The following SVIL variants were observed in gnomAD, a reference collection of about 807,000 sequenced individuals.
The protein encoded by SVIL is archvillin.
In SVIL, 101 loss-of-function variants were observed where a neutral mutation model predicts 240.4. That is an observed-to-expected ratio of 0.42 (90% CI 0.36 to 0.50). The LOEUF (loss-of-function observed/expected upper bound fraction) is 0.50. SVIL is among the 20% of genes least tolerant of loss of function. The pLI is 0.01. For synonymous variants in SVIL, 999 were observed against 1,100.0 expected (o/e 0.91, Z 1.82); for missense variants, 2,512 against 2,818.7 (o/e 0.89, Z 2.46).
chr10:29,541,116 T>C (rs1952120058), intron 6 of SVIL, among the ~76,000 whole-genome samples: 1 of 152,268 alleles, frequency 6.6e-6, no homozygotes, highest in Non-Finnish European at 1.5e-5. Flanking sequence ...TATTTTCCTC[T>C]TTTATTTTCT....
In SVIL at chr10:29,490,902, A is replaced by C; in HGVS notation, c.4137T>G (p.Thr1379=). The change falls in exon 22 of 38, where the codon ACT becomes ACG. Residue 1379 remains threonine, a synonymous_variant. Coordinates refer to ENST00000355867, the MANE Select transcript of SVIL (RefSeq NM_021738.3). Reference sequence around the variant, plus strand: ...TGAAGGCAACGTTTAATCTCTGCTCAGTGTATTCCTGAAGGAGATCTTCTC... The same window carrying C: ...TGAAGGCAACGTTTAATCTCTGCTCCGTGTATTCCTGAAGGAGATCTTCTC... The part of the protein sequence containing the change: ...AAREDLLQEY[T]EQRLNVAFME... The C allele has an allele frequency of 6.2e-7, 1 of 1,613,986 alleles. No homozygotes were observed. Among genetic ancestry groups the C allele is most frequent in the East Asian group, 2.2e-5 (1 of 44,872 alleles).
At chr10:29,655,213 T>C (rs367996606) in intron 3 of SVIL, among the ~76,000 whole-genome samples, 1 of 152,182 alleles carries the variant, frequency 6.6e-6, no homozygotes, top group Non-Finnish European at 1.5e-5. Flanking sequence ...ATAGGCTGTC[T>C]GCAAGCTGGG....
intron 3 of SVIL, among the ~76,000 whole-genome samples, chr10:29,649,647 A>C (rs904065483): frequency 2.0e-5 from 3 of 152,192 alleles, no homozygotes; most frequent in Non-Finnish European, 4.4e-5. Flanking sequence ...TTGACTTACC[A>C]AAATATGCAA....
At chr10:29,616,053 G>A (rs1414542311) in intron 1 of SVIL, among the ~76,000 whole-genome samples, 2 of 152,180 alleles carry the variant, frequency 1.3e-5, no homozygotes, top group Non-Finnish European at 1.5e-5. Flanking sequence ...TCAATTCAAG[G>A]TTATTTCAGC....
chr10:29,587,331 G>A (rs1956212469), intron 1 of SVIL, among the ~76,000 whole-genome samples: 1 of 152,176 alleles, frequency 6.6e-6, no homozygotes, highest in African/African-American at 2.4e-5. Flanking sequence ...CACTGCCACC[G>A]CCTCTGCCAG....
intron 18 of SVIL, among the ~76,000 whole-genome samples, 187 bp downstream of exon 18, chr10:29,498,929 C>T (rs564523330): frequency 2.0e-5 from 3 of 152,312 alleles, no homozygotes; most frequent in African/African-American, 7.2e-5. Context: ...TGCAGTGAGC[C>T]ATGACTGAGC....
chr10:29,705,481 CT>C (rs533614762), intron 1 of SVIL, among the ~76,000 whole-genome samples: 148 of 145,008 alleles, frequency 1.0e-3, no homozygotes, highest in Non-Finnish European at 1.1e-3. Context: ...CACTTCAAAT[CT>C]TTTTTTTTTT....
chr10:29,512,537 C>T lies in SVIL; in HGVS notation c.3516+198G>A, dbSNP rs549738173. ...GACATAGTGTGTGTGTGTTGCTGAT[C>T]CCAGTTTTAAAACATCTCCAGGCAC... On this transcript the variant is annotated intron_variant, in intron 17 of 37. Coordinates refer to ENST00000355867, the MANE Select transcript of SVIL (RefSeq NM_021738.3). Among the ~76,000 whole-genome samples, 40 of 152,282 alleles carry T rather than the reference C, an allele frequency of 2.6e-4. 1 individual carries two copies. The South Asian group carries it at 7.9e-3, about 30-fold the overall frequency.
At chr10:29,686,421 A>G (rs886668860) in intron 2 of SVIL, 3 of 152,244 alleles carry the variant, frequency 2.0e-5, no homozygotes, top group African/African-American at 7.2e-5. Flanking sequence ...TCCATCTCAC[A>G]CAATGAAATT....
intron 1 of SVIL, among the ~76,000 whole-genome samples, chr10:29,621,358 G>A (rs748537440): frequency 3.9e-5 from 6 of 152,224 alleles, no homozygotes; most frequent in Non-Finnish European, 8.8e-5. Flanking sequence ...CAAGTTCCCC[G>A]AGGCTGGAGA....
rs1206363066 is a variant in SVIL at position 29,488,626 on chromosome 10, C to T, written c.4323G>A (p.Lys1441=). 1 of 1,608,688 alleles carries T rather than the reference C, an allele frequency of 6.2e-7. No homozygotes were observed. Among genetic ancestry groups the T allele is most frequent in the South Asian group, 1.1e-5 (1 of 89,546 alleles). The change falls in exon 23 of 38, where the codon AAG becomes AAA. Residue 1441 remains lysine, a synonymous_variant. Transcript: ENST00000355867. The stretch of plus-strand genomic sequence containing the variant: ...CTTTAATCTGCAACAGCATCAGCCT[C>T]TTGTAGGGCACGGCGCTGTTGTTAG... ...QNSNNSAVPY[K]RLMLLQIKGR... is the part of the protein sequence containing the mutation.
chr10:29,659,199 A>G (rs1274588244), intron 2 of SVIL, among the ~76,000 whole-genome samples: 1 of 152,066 alleles, frequency 6.6e-6, no homozygotes, highest in East Asian at 1.9e-4. Flanking sequence ...GTTCTTAATG[A>G]CTCAGCCTGG....
intron 1 of SVIL, among the ~76,000 whole-genome samples, chr10:29,585,861 T>C (rs1314376743): frequency 6.6e-6 from 1 of 152,240 alleles, no homozygotes; most frequent in African/African-American, 2.4e-5. Flanking sequence ...GCTCAATGAA[T>C]GAGAAGCCGC....
intron 1 of SVIL, among the ~76,000 whole-genome samples, chr10:29,594,559 CTTTTTTTTT>C (rs34870351): frequency 1.4e-5 from 2 of 140,590 alleles, no homozygotes; most frequent in Admixed American, 7.2e-5. Flanking sequence ...AATTTTTTTT[CTTTTTTTTT>C]TTTTTTGAAA....
At position 29,551,184 on chromosome 10, in the gene SVIL, G is replaced by A. The variant is rs759902839; in HGVS notation, c.240C>T (p.Ser80=). 9.3e-6 allele frequency: 15 copies of A among 1,614,044 alleles called. No homozygotes were observed. The highest frequency in any genetic ancestry group is 1.3e-5 in the African/African-American group (1 of 75,052). ...QTRSKYCTET[S]GVHGDSPYGS... is the part of the protein sequence containing the mutation. ...CATAGGGTGAGTCACCGTGGACACC[G>A]GAGGTTTCTGTGCAGTATTTGGATC... Residue 80 remains serine (S), a synonymous_variant, in exon 6 of 38, where the codon TCC becomes TCT. Coordinates refer to ENST00000355867, the MANE Select transcript of SVIL (RefSeq NM_021738.3).
intron 36 of SVIL, 50 bp from the exon 37 acceptor site, chr10:29,458,639 CT>C: frequency 1.3e-6 from 2 of 1,585,884 alleles, no homozygotes; most frequent in South Asian, 2.3e-5. Context: ...TACATTTGAA[CT>C]TGTTTTATTA....
At chr10:29,679,480 CA>C (rs1173605514) in intron 2 of SVIL, among the ~76,000 whole-genome samples, 16 of 152,000 alleles carry the variant, frequency 1.1e-4, no homozygotes. Flanking sequence ...AACCTAAAAC[CA>C]AAAGCATTGA....
At chr10:29,604,678 C>G (rs1589369480) in intron 1 of SVIL, among the ~76,000 whole-genome samples, 1 of 152,208 alleles carries the variant, frequency 6.6e-6, no homozygotes, top group South Asian at 2.1e-4. Context: ...GATCCTCCCG[C>G]CTTGACATCT....
At chr10:29,681,352 C>A (rs542673865) in intron 2 of SVIL, among the ~76,000 whole-genome samples, 1 of 151,252 alleles carries the variant, frequency 6.6e-6, no homozygotes, top group East Asian at 2.0e-4. Flanking sequence ...AGTCTCCAGC[C>A]ACCACAGCAC....
Sources: gnomAD v4.1 joint callset for allele counts (sites outside exome capture counted in the v4.1 genomes callset) on GRCh38, gnomAD v4.1.1 for gene constraint, MANE v1.5 for transcripts, NCBI Gene and HGNC (gene_info 2026-07-23, HGNC 2026-07-21) for gene names.